The following CSGALNACT2 variants were observed in gnomAD, a reference collection of about 807,000 sequenced individuals.
CSGALNACT2 encodes the protein beta 4 GalNAcT-2.
In CSGALNACT2, 35 loss-of-function variants were observed where a neutral mutation model predicts 55.3. The observed-to-expected ratio is 0.63, with a 90% confidence interval of 0.48 to 0.84. The LOEUF (loss-of-function observed/expected upper bound fraction) is 0.84, where lower values mean the gene tolerates loss of function less well. Ranked by LOEUF, CSGALNACT2 falls within the 40% of genes least tolerant of loss-of-function variation. The pLI is 0.00. For synonymous variants in CSGALNACT2, 196 were observed against 224.9 expected (o/e 0.87, Z 1.15); for missense variants, 544 against 657.5 (o/e 0.83, Z 1.89).
At chr10:43,170,865 A>G (rs952745753) in intron 6 of CSGALNACT2, among the ~76,000 whole-genome samples, 15 of 152,238 alleles carry the variant, frequency 9.9e-5, no homozygotes, top group African/African-American at 3.6e-4. Context: ...TCCCCAGGAA[A>G]GTCACAGGGA....
intron 1 of CSGALNACT2, among the ~76,000 whole-genome samples, chr10:43,150,957 C>T (rs534344251): frequency 1.3e-5 from 2 of 152,010 alleles, no homozygotes; most frequent in Non-Finnish European, 2.9e-5. Context: ...CTAATATTTT[C>T]TTCTAAAATA....
chr10:43,168,130 A>G (rs1287388888), intron 6 of CSGALNACT2, among the ~76,000 whole-genome samples: 1 of 152,182 alleles, frequency 6.6e-6, no homozygotes, highest in Non-Finnish European at 1.5e-5. Context: ...AACACAGGCT[A>G]AGTTCATGTT....
At chr10:43,157,506 C>G (rs138793783) in intron 2 of CSGALNACT2, among the ~76,000 whole-genome samples, 42 of 152,316 alleles carry the variant, frequency 2.8e-4, no homozygotes, top group African/African-American at 7.7e-4. Context: ...TCTGCAACCT[C>G]AGGTCTAAGA....
At chr10:43,156,936 A>T (rs2133115149) in intron 2 of CSGALNACT2, among the ~76,000 whole-genome samples, 1 of 152,114 alleles carries the variant, frequency 6.6e-6, no homozygotes, top group South Asian at 2.1e-4. Flanking sequence ...AGACTTTTTG[A>T]CTCCAAATCA....
chr10:43,160,778 T>C (rs1211980824), intron 4 of CSGALNACT2, among the ~76,000 whole-genome samples, 183 bp downstream of exon 4: 2 of 152,144 alleles, frequency 1.3e-5, no homozygotes, highest in Non-Finnish European at 2.9e-5. Context: ...CAACTTCCCT[T>C]CACTGCTTAG....
chr10:43,157,529 T>C (rs1839040923), intron 2 of CSGALNACT2, among the ~76,000 whole-genome samples: 1 of 152,242 alleles, frequency 6.6e-6, no homozygotes, highest in Non-Finnish European at 1.5e-5. Context: ...GCAGTACTTC[T>C]GTGTGCTCTT....
intron 7 of CSGALNACT2, among the ~76,000 whole-genome samples, chr10:43,182,005 A>G (rs1402542971): frequency 6.9e-6 from 1 of 145,436 alleles, no homozygotes; most frequent in Non-Finnish European, 1.5e-5. Flanking sequence ...TGCAGTAAAG[A>G]CAGGAGTAAG....
intron 1 of CSGALNACT2, among the ~76,000 whole-genome samples, chr10:43,153,191 C>T (rs531018832): frequency 9.1e-4 from 138 of 151,992 alleles, no homozygotes; most frequent in African/African-American, 3.2e-3. Flanking sequence ...AAAAATTAGC[C>T]GGGCGTGGTG....
At position 43,183,546 on chromosome 10, in the gene CSGALNACT2, C is replaced by G. The variant is rs751055201; in HGVS notation, c.*4C>G. The G allele has an allele frequency of 6.2e-6, 10 of 1,612,372 alleles. No individual in the cohort carries two copies. The South Asian group carries it at 1.1e-4, about 18-fold the overall frequency. ...AAACAGTGAAGCTGTTGGTTGAAAT[C>G]ATAATTAATGCGTTACTGTATGAAC... On this transcript the variant is annotated 3_prime_UTR_variant, in exon 8 of 8. Transcript: ENST00000374466.
chr10:43,145,389 G>A (rs1184294000), intron 1 of CSGALNACT2, among the ~76,000 whole-genome samples: 4 of 147,134 alleles, frequency 2.7e-5, no homozygotes, highest in South Asian at 2.2e-4. Context: ...TCTAATTGGC[G>A]TAGCCTAAGT....
At chr10:43,173,002 G>A (rs769705374) in intron 6 of CSGALNACT2, among the ~76,000 whole-genome samples, 1 of 152,196 alleles carries the variant, frequency 6.6e-6, no homozygotes, top group Non-Finnish European at 1.5e-5. Context: ...AGGGCATGTA[G>A]AGCTTGTTCA....
chr10:43,180,167 C>T (rs186092940), intron 7 of CSGALNACT2, among the ~76,000 whole-genome samples: 1 of 152,352 alleles, frequency 6.6e-6, no homozygotes, highest in East Asian at 1.9e-4. Context: ...AAAAGAGCTG[C>T]ACCTGTTTAG....
At chr10:43,153,910 A>G (rs1358171305) in intron 1 of CSGALNACT2, among the ~76,000 whole-genome samples, 1 of 152,204 alleles carries the variant, frequency 6.6e-6, no homozygotes, top group Non-Finnish European at 1.5e-5. Flanking sequence ...TAGACTCCAA[A>G]CCTTTCTAGA....
rs1054533671 is a variant in CSGALNACT2 at position 43,184,517 on chromosome 10, A to G, written c.*975A>G. ...ATGCTACATTTGTATTTGCATTACT[A>G]TAATACTTTGAGTTGAAAAAGAGTT... is the stretch of plus-strand genomic sequence containing the variant. On this transcript the variant is annotated 3_prime_UTR_variant, in exon 8 of 8. Coordinates refer to ENST00000374466, the MANE Select transcript of CSGALNACT2 (RefSeq NM_018590.5). 5 of 152,230 alleles carry G rather than the reference A, an allele frequency of 3.3e-5. No homozygotes were observed. The highest frequency in any genetic ancestry group is 1.9e-4 in the East Asian group (1 of 5,200). 9.4% of individuals were successfully genotyped at this position (152,230 alleles called of 1,614,324 possible). A position where few individuals can be genotyped will look rare whatever the true frequency, so the allele number is the denominator to read the frequency against.
intron 1 of CSGALNACT2, among the ~76,000 whole-genome samples, chr10:43,150,406 C>A (rs2505506): frequency 6.6e-6 from 1 of 152,140 alleles, no homozygotes; most frequent in Admixed American, 6.5e-5. Context: ...AAAAGACTTA[C>A]AGTACAGGTA....
At chr10:43,163,034 T>C in intron 4 of CSGALNACT2, 1 of 985,266 alleles carries the variant, frequency 1.0e-6, no homozygotes, top group South Asian at 4.7e-5. Flanking sequence ...CATTTTAGGG[T>C]CCTTTTCTAC....
At chr10:43,147,801 T>TG (rs71016729) in intron 1 of CSGALNACT2, among the ~76,000 whole-genome samples, 4 of 143,396 alleles carry the variant, frequency 2.8e-5, no homozygotes, top group African/African-American at 7.6e-5. Context: ...TTTTTTTTTT[T>TG]GCTTTTTAAA....
intron 7 of CSGALNACT2, among the ~76,000 whole-genome samples, chr10:43,176,792 C>T (rs1183590963): frequency 6.6e-6 from 1 of 152,202 alleles, no homozygotes; most frequent in Non-Finnish European, 1.5e-5. Context: ...GTCTTGAACT[C>T]CTGGGTTCAA....
At chr10:43,155,858 C>T in intron 2 of CSGALNACT2, 48 bp downstream of exon 2, 2 of 1,449,960 alleles carry the variant, frequency 1.4e-6, no homozygotes. Context: ...AAGACAAATG[C>T]TAGTATTGTA....
Sources: gnomAD v4.1 joint callset for allele counts (sites outside exome capture counted in the v4.1 genomes callset) on GRCh38, gnomAD v4.1.1 for gene constraint, MANE v1.5 for transcripts, NCBI Gene and HGNC (gene_info 2026-07-23, HGNC 2026-07-21) for gene names.